Variants in CYP7B1 observed in about 807,000 individuals in gnomAD.
The protein encoded by CYP7B1 is cytochrome P450 family 7 subfamily B member 1.
In CYP7B1, 29 loss-of-function variants were observed where a neutral mutation model predicts 42.7. That is an observed-to-expected ratio of 0.68 (90% CI 0.51 to 0.93). The LOEUF is 0.93. Among genes scored for constraint, CYP7B1 ranks in the 40% least tolerant of loss-of-function variants. The pLI, the probability that CYP7B1 is intolerant of heterozygous loss-of-function variation, is 0.00. For synonymous variants in CYP7B1, 235 were observed against 218.2 expected, an observed-to-expected ratio of 1.08 and a Z score of -0.68; for missense variants, 655 against 600.5, an observed-to-expected ratio of 1.09 and a Z score of -0.95.
At chr8:64,684,081 G>C (rs1393803429) in intron 1 of CYP7B1, among the ~76,000 whole-genome samples, 1 of 152,168 alleles carries the variant, frequency 6.6e-6, no homozygotes, top group Non-Finnish European at 1.5e-5. Flanking sequence ...GGTATGATCT[G>C]TCTCGTCCAT....
At chr8:64,780,315 T>C (rs1416585017) in intron 1 of CYP7B1, among the ~76,000 whole-genome samples, 2 of 152,178 alleles carry the variant, frequency 1.3e-5, no homozygotes. Flanking sequence ...ACTGAGAATC[T>C]ACTCAGTGCC....
chr8:64,768,362 A>G (rs1453132160), intron 1 of CYP7B1, among the ~76,000 whole-genome samples: 1 of 146,650 alleles, frequency 6.8e-6, no homozygotes, highest in Non-Finnish European at 1.5e-5. Context: ...TGCAACTCCA[A>G]AAAAAAAAAA....
intron 1 of CYP7B1, among the ~76,000 whole-genome samples, chr8:64,730,729 C>A (rs1342568411): frequency 1.4e-5 from 2 of 147,354 alleles, no homozygotes; most frequent in Non-Finnish European, 3.0e-5. Context: ...GAAATTGGAA[C>A]CCTGTGAAGC....
intron 1 of CYP7B1, among the ~76,000 whole-genome samples, chr8:64,670,183 C>A (rs1585844800): frequency 6.6e-6 from 1 of 152,262 alleles, no homozygotes; most frequent in East Asian, 1.9e-4. Flanking sequence ...TGGGTTCCAC[C>A]CATTTCATGT....
chr8:64,646,254 G>A (rs1805952280), intron 1 of CYP7B1, among the ~76,000 whole-genome samples: 1 of 151,940 alleles, frequency 6.6e-6, no homozygotes, highest in African/African-American at 2.4e-5. Context: ...CCATCAGAGT[G>A]AACAGGCAAC....
intron 1 of CYP7B1, among the ~76,000 whole-genome samples, chr8:64,639,626 A>G (rs1805824565): frequency 6.6e-6 from 1 of 152,168 alleles, no homozygotes; most frequent in African/African-American, 2.4e-5. Context: ...GTTAGCAAGG[A>G]TGAGGAGAAA....
chr8:64,686,324 A>G (rs1190635879), intron 1 of CYP7B1, among the ~76,000 whole-genome samples: 1 of 32,382 alleles, frequency 3.1e-5, no homozygotes, highest in Non-Finnish European at 6.5e-5. Flanking sequence ...CCGGGAGGTG[A>G]GGGGCGCCTC....
chr8:64,732,771 C>T (rs1458409158), intron 1 of CYP7B1: 1 of 152,280 alleles, frequency 6.6e-6, no homozygotes, highest in East Asian at 1.9e-4. Context: ...GCAGTCCCCT[C>T]ATGCTGTTCA....
intron 1 of CYP7B1, among the ~76,000 whole-genome samples, chr8:64,742,379 T>C (rs1161797787): frequency 6.6e-6 from 1 of 152,142 alleles, no homozygotes; most frequent in Non-Finnish European, 1.5e-5. Context: ...GTAGAAACAG[T>C]AGTGGTAGAG....
At chr8:64,589,840 G>A (rs1244868441), downstream of CYP7B1, 1 of 152,116 alleles carries the variant, frequency 6.6e-6, no homozygotes, top group Non-Finnish European at 1.5e-5. Context: ...TGTGAGCACA[G>A]TTTGCTGTAA....
At chr8:64,695,603 CTTTTTTTT>C (rs35575527) in intron 1 of CYP7B1, among the ~76,000 whole-genome samples, 1,249 of 100,142 alleles carry the variant, frequency 0.012, 9 homozygotes, top group African/African-American at 0.021. Context: ...TATCAAATTC[CTTTTTTTT>C]TTTTTTTTTT....
intron 1 of CYP7B1, among the ~76,000 whole-genome samples, chr8:64,679,597 T>G (rs972814896): frequency 3.3e-5 from 5 of 152,170 alleles, no homozygotes; most frequent in Non-Finnish European, 7.4e-5. Context: ...CTAAAAGTTT[T>G]ATGTGAAAGG....
chr8:64,733,666 G>C (rs1807446201), intron 1 of CYP7B1, among the ~76,000 whole-genome samples: 1 of 152,080 alleles, frequency 6.6e-6, no homozygotes. Context: ...TCAGCTTTGA[G>C]GTCTCAAGTT....
At chr8:64,767,481 G>A (rs145308406) in intron 1 of CYP7B1, among the ~76,000 whole-genome samples, 33 of 152,294 alleles carry the variant, frequency 2.2e-4, no homozygotes, top group African/African-American at 7.7e-4. Flanking sequence ...AAGAAAGAAC[G>A]GGGAACCTCA....
At chr8:64,646,064 A>T (rs1044180530) in intron 1 of CYP7B1, among the ~76,000 whole-genome samples, 4 of 152,224 alleles carry the variant, frequency 2.6e-5, no homozygotes, top group African/African-American at 9.7e-5. Context: ...TGGATTAAAG[A>T]CTTAAACGTT....
chr8:64,676,898 T>C (rs1054214261), intron 1 of CYP7B1, among the ~76,000 whole-genome samples: 4 of 152,104 alleles, frequency 2.6e-5, no homozygotes, highest in African/African-American at 9.7e-5. Context: ...AGCCGTCTGC[T>C]AATGATGCAT....
chr8:64,629,366 G>C (rs1156323961), intron 1 of CYP7B1, among the ~76,000 whole-genome samples: 1 of 152,094 alleles, frequency 6.6e-6, no homozygotes, highest in African/African-American at 2.4e-5. Context: ...AGTAGGTGGT[G>C]AGCAACCTTT....
At chr8:64,613,218 G>A (rs1188192487) in intron 4 of CYP7B1, among the ~76,000 whole-genome samples, 2 of 152,130 alleles carry the variant, frequency 1.3e-5, no homozygotes, top group African/African-American at 4.8e-5. Context: ...TAGGAGACTT[G>A]TCAATTTATG....
At chr8:64,703,826 A>G (rs534885726) in intron 1 of CYP7B1, 1 of 152,200 alleles carries the variant, frequency 6.6e-6, no homozygotes, top group African/African-American at 2.4e-5. Context: ...CACATTTTGA[A>G]GATCACAGAC....
Sources: allele counts gnomAD v4.1 joint callset (sites outside exome capture counted in the v4.1 genomes callset), GRCh38; gene constraint gnomAD v4.1.1; transcripts MANE v1.5; gene names NCBI Gene and HGNC (gene_info 2026-07-23, HGNC 2026-07-21).